KDM4C: variants seen among roughly 807,000 people sequenced by gnomAD.
The protein encoded by KDM4C is lysine demethylase 4C.
A neutral mutation model predicts 129.3 loss-of-function variants in KDM4C; 81 were observed. The ratio of observed to expected loss-of-function variants is 0.63; its 90% CI spans 0.52 to 0.75. The LOEUF (loss-of-function observed/expected upper bound fraction) is 0.75, where lower values mean the gene tolerates loss of function less well. Ranked by LOEUF, KDM4C falls within the 30% of genes least tolerant of loss-of-function variation. The pLI is 0.00. For missense variants in KDM4C, 1,457 were observed against 1,304.0 expected (o/e 1.12, Z -1.81); for synonymous variants, 573 against 456.1 (o/e 1.26, Z -3.26).
At chr9:7,105,617 A>C in intron 18 of KDM4C, 1 of 372,132 alleles carries the variant, frequency 2.7e-6, no homozygotes, top group South Asian at 2.0e-5. Flanking sequence ...ATGCCTTTTT[A>C]GCTCATACTC....
chr9:7,079,295 T>C (rs1834266202), intron 17 of KDM4C, among the ~76,000 whole-genome samples: 1 of 152,208 alleles, frequency 6.6e-6, no homozygotes, highest in Non-Finnish European at 1.5e-5. Context: ...CCCCATTATA[T>C]ACATTAATCT....
chr9:6,865,611 G>T (rs1841806063), intron 5 of KDM4C, among the ~76,000 whole-genome samples: 1 of 151,894 alleles, frequency 6.6e-6, no homozygotes, highest in Non-Finnish European at 1.5e-5. Flanking sequence ...CTATCACCTG[G>T]GCTGGAGTTC....
chr9:6,862,232 T>TA (rs1490180833), intron 5 of KDM4C, among the ~76,000 whole-genome samples: 1 of 152,202 alleles, frequency 6.6e-6, no homozygotes, highest in African/African-American at 2.4e-5. Flanking sequence ...GGACTTGAAT[T>TA]AGTTGGGTTG....
chr9:6,746,196 C>A (rs1302755427), intron 1 of KDM4C, among the ~76,000 whole-genome samples: 2 of 150,884 alleles, frequency 1.3e-5, no homozygotes, highest in African/African-American at 4.9e-5. Flanking sequence ...CCACCTCGGT[C>A]TCCCAGAGTG....
chr9:6,963,442 A>G (rs1830350009), intron 8 of KDM4C, among the ~76,000 whole-genome samples: 1 of 152,120 alleles, frequency 6.6e-6, no homozygotes, highest in Non-Finnish European at 1.5e-5. Context: ...TAATGATACA[A>G]CTAATTATGA....
chr9:6,879,935 A>G, intron 5 of KDM4C, 77 bp from the exon 6 acceptor site: 2 of 645,104 alleles, frequency 3.1e-6, no homozygotes, highest in East Asian at 2.8e-5. Flanking sequence ...ATGTGACATT[A>G]TTTAGGAATA....
At chr9:6,833,561 T>C (rs943718120) in intron 4 of KDM4C, among the ~76,000 whole-genome samples, 3 of 152,214 alleles carry the variant, frequency 2.0e-5, no homozygotes, top group Non-Finnish European at 4.4e-5. Flanking sequence ...TGTGAGGTCT[T>C]GGCAAGTTAT....
intron 15 of KDM4C, among the ~76,000 whole-genome samples, chr9:7,044,165 G>A (rs1489280513): frequency 6.6e-6 from 1 of 152,004 alleles, no homozygotes; most frequent in Non-Finnish European, 1.5e-5. Context: ...TGAGATAGAA[G>A]TACCTGAGCC....
At chr9:7,114,855 C>A (rs1472286111) in intron 18 of KDM4C, among the ~76,000 whole-genome samples, 4 of 152,092 alleles carry the variant, frequency 2.6e-5, no homozygotes, top group African/African-American at 9.7e-5. Context: ...CCTGTAGTCC[C>A]AGCACTTTGG....
chr9:6,800,569 T>G (rs1261799047), intron 2 of KDM4C, among the ~76,000 whole-genome samples: 1 of 152,076 alleles, frequency 6.6e-6, no homozygotes, highest in Non-Finnish European at 1.5e-5. Flanking sequence ...GAGGGTGTGA[T>G]TTCAGTAACA....
In KDM4C at chr9:6,858,630, G is replaced by A. The variant is rs186330452; in HGVS notation, c.629+8930G>A. On this transcript the variant is annotated intron_variant, in intron 5 of 21. Coordinates refer to ENST00000381309, the MANE Select transcript of KDM4C (RefSeq NM_015061.6). Reference sequence around the variant, plus strand: ...GTCTACTAAATATGAAAAGTTAGCCGGGTGTGGTGACGTGCGCCTGTAATC... The same window carrying A: ...GTCTACTAAATATGAAAAGTTAGCCAGGTGTGGTGACGTGCGCCTGTAATC... Among the ~76,000 whole-genome samples the A allele has an allele frequency of 3.6e-4, 55 of 152,158 alleles. No individual in the cohort carries two copies. In the East Asian group the frequency reaches 4.8e-3, roughly 13 times the overall value.
At chr9:6,890,696 A>G (rs1431865866) in intron 7 of KDM4C, among the ~76,000 whole-genome samples, 1 of 151,892 alleles carries the variant, frequency 6.6e-6, no homozygotes, top group Non-Finnish European at 1.5e-5. Context: ...TGTAGGTAGG[A>G]TTCCATGGAG....
intron 15 of KDM4C, among the ~76,000 whole-genome samples, chr9:7,018,774 G>T (rs775643173): frequency 1.1e-3 from 169 of 152,302 alleles, no homozygotes; most frequent in East Asian, 3.7e-3. Flanking sequence ...TTTTCATGTA[G>T]CATGTTTCAT....
At chr9:6,833,211 T>A (rs1336538163) in intron 4 of KDM4C, among the ~76,000 whole-genome samples, 2 of 152,180 alleles carry the variant, frequency 1.3e-5, no homozygotes, top group Non-Finnish European at 2.9e-5. Flanking sequence ...TCTGTAGATA[T>A]GTAAAATAAA....
At chr9:6,949,537 C>T (rs1827706738) in intron 8 of KDM4C, among the ~76,000 whole-genome samples, 1 of 152,218 alleles carries the variant, frequency 6.6e-6, no homozygotes, top group East Asian at 1.9e-4. Flanking sequence ...CCACTGCCCT[C>T]CAGCCTGGGC....
intron 21 of KDM4C, chr9:7,170,416 A>G (rs564601793): frequency 6.1e-6 from 6 of 990,180 alleles, no homozygotes; most frequent in East Asian, 2.2e-4. Flanking sequence ...AACAAAGCCT[A>G]AATGCTAGTT....
intron 12 of KDM4C, among the ~76,000 whole-genome samples, chr9:7,010,185 G>A (rs190054667): frequency 1.3e-4 from 20 of 152,288 alleles, no homozygotes; most frequent in Non-Finnish European, 2.6e-4. Context: ...GCCAAGTGCT[G>A]CGAGAAACAG....
At chr9:6,786,420 A>T (rs187981982) in intron 1 of KDM4C, among the ~76,000 whole-genome samples, 3 of 152,196 alleles carry the variant, frequency 2.0e-5, no homozygotes, top group Non-Finnish European at 1.5e-5. Flanking sequence ...TTTTTGCTGT[A>T]GGTGGTCTCA....
chr9:6,778,740 C>G (rs906431095), intron 1 of KDM4C, among the ~76,000 whole-genome samples: 5 of 151,574 alleles, frequency 3.3e-5, no homozygotes, highest in African/African-American at 1.2e-4. Flanking sequence ...ACACTCCAGC[C>G]TGGGTAACAG....
Sources: gnomAD v4.1 joint callset for allele counts (sites outside exome capture counted in the v4.1 genomes callset) on GRCh38, gnomAD v4.1.1 for gene constraint, MANE v1.5 for transcripts, NCBI Gene and HGNC (gene_info 2026-07-23, HGNC 2026-07-21) for gene names.